Variants in FBXL17 observed in about 807,000 individuals in gnomAD.
FBXL17 encodes F-box/LRR-repeat protein 17.
FBXL17 carries 22 observed loss-of-function variants against 66.2 expected under a neutral mutation model. The ratio of observed to expected loss-of-function variants is 0.33; its 90% CI spans 0.24 to 0.47. FBXL17 has a LOEUF of 0.47. Among genes scored for constraint, FBXL17 ranks in the 20% least tolerant of loss-of-function variants. The probability of loss-of-function intolerance (pLI) is 1.00; values close to 1 mark genes in which losing one functional copy is unlikely to be tolerated. For missense variants in FBXL17, 878 were observed against 948.2 expected, an observed-to-expected ratio of 0.93 and a Z score of 0.97; for synonymous variants, 474 against 400.5, an observed-to-expected ratio of 1.18 and a Z score of -2.19.
At chr5:108,184,106 G>T (rs544837044) in intron 6 of FBXL17, among the ~76,000 whole-genome samples, 1 of 152,118 alleles carries the variant, frequency 6.6e-6, no homozygotes, top group Non-Finnish European at 1.5e-5. Context: ...TTATTTTAAG[G>T]TATAAAAGGA....
At chr5:108,083,234 CACACACACACACACACAGAG>C (rs1308175512) in intron 6 of FBXL17, among the ~76,000 whole-genome samples, 1 of 134,732 alleles carries the variant, frequency 7.4e-6, no homozygotes, top group Non-Finnish European at 1.6e-5. Context: ...CACACACACA[CACACACACACACACACAGAG>C]AGAGAGATAG....
chr5:107,938,535 A>G (rs1750985574), intron 7 of FBXL17, among the ~76,000 whole-genome samples: 1 of 152,294 alleles, frequency 6.6e-6, no homozygotes, highest in Non-Finnish European at 1.5e-5. Flanking sequence ...ATAAAAATAA[A>G]TACATTGTAT....
chr5:108,203,663 T>C (rs1243535224), intron 5 of FBXL17, among the ~76,000 whole-genome samples: 1 of 152,156 alleles, frequency 6.6e-6, no homozygotes, highest in African/African-American at 2.4e-5. Flanking sequence ...CAGAAACAAA[T>C]GAAATGATAA....
chr5:108,352,062 C>T (rs1415023641), intron 3 of FBXL17, among the ~76,000 whole-genome samples: 7 of 152,246 alleles, frequency 4.6e-5, no homozygotes, highest in Non-Finnish European at 1.0e-4. Context: ...ATGTGGATGG[C>T]ATATGCAGAA....
intron 5 of FBXL17, among the ~76,000 whole-genome samples, chr5:108,200,810 C>T (rs1753862112): frequency 6.6e-6 from 1 of 152,068 alleles, no homozygotes. Flanking sequence ...CTGTGATCAA[C>T]AGCTTTTGTG....
chr5:108,197,491 A>C (rs1013892424), intron 5 of FBXL17, among the ~76,000 whole-genome samples: 2 of 152,190 alleles, frequency 1.3e-5, no homozygotes, highest in Non-Finnish European at 2.9e-5. Context: ...CAAAGGGTGA[A>C]AAGTTTTGGA....
intron 7 of FBXL17, among the ~76,000 whole-genome samples, chr5:107,988,151 G>A (rs989895560): frequency 5.9e-5 from 9 of 151,856 alleles, no homozygotes; most frequent in Admixed American, 4.6e-4. Flanking sequence ...ATCAAGTGAC[G>A]AGATATTCAG....
chr5:108,152,244 A>C (rs1751800435), intron 6 of FBXL17, among the ~76,000 whole-genome samples: 1 of 152,208 alleles, frequency 6.6e-6, no homozygotes, highest in African/African-American at 2.4e-5. Context: ...TATGATGGAC[A>C]AAATATCAAC....
At chr5:108,197,366 T>C (rs879489154) in intron 5 of FBXL17, among the ~76,000 whole-genome samples, 17 of 152,166 alleles carry the variant, frequency 1.1e-4, no homozygotes, top group Non-Finnish European at 1.9e-4. Context: ...CTTCAACTAA[T>C]TGGACTGGTT....
chr5:108,260,046 C>T (rs1034339267), intron 4 of FBXL17, among the ~76,000 whole-genome samples: 2 of 148,958 alleles, frequency 1.3e-5, no homozygotes, highest in Non-Finnish European at 2.9e-5. Context: ...AAAAAAAAAC[C>T]TATGTACGTT....
chr5:108,300,134 A>G (rs1396096114), intron 4 of FBXL17, among the ~76,000 whole-genome samples: 2 of 152,062 alleles, frequency 1.3e-5, no homozygotes, highest in Non-Finnish European at 1.5e-5. Flanking sequence ...ATTAGTATTT[A>G]TATCTCTGAC....
intron 4 of FBXL17, among the ~76,000 whole-genome samples, chr5:108,258,546 G>GA (rs950536728): frequency 6.6e-6 from 1 of 152,016 alleles, no homozygotes; most frequent in Non-Finnish European, 1.5e-5. Context: ...TAGGTTCAAA[G>GA]AAAAAAATAC....
chr5:108,092,247 T>A (rs914620667), intron 6 of FBXL17, among the ~76,000 whole-genome samples: 6 of 152,164 alleles, frequency 3.9e-5, no homozygotes, highest in Admixed American at 1.3e-4. Flanking sequence ...GTGGATACAA[T>A]GAGAGTAGAT....
At chr5:108,227,622 A>G (rs1326725580) in intron 4 of FBXL17, among the ~76,000 whole-genome samples, 1 of 152,232 alleles carries the variant, frequency 6.6e-6, no homozygotes, top group Non-Finnish European at 1.5e-5. Flanking sequence ...ATTGGAAGAA[A>G]GAAGTATGTG....
In FBXL17 at chr5:107,953,156, A is replaced by G. The variant is rs372727435; in HGVS notation, c.1822+67769T>C. On this transcript the variant is annotated intron_variant, in intron 7 of 8. Coordinates refer to ENST00000542267, the MANE Select transcript of FBXL17 (RefSeq NM_001163315.3). Reference sequence around the variant, plus strand: ...TGTGGCTCACGCCTGTAATCCCAGCACTTTGGGACGCCAAGGTGGGCGGAT... The same window carrying G: ...TGTGGCTCACGCCTGTAATCCCAGCGCTTTGGGACGCCAAGGTGGGCGGAT... Among the ~76,000 whole-genome samples, 25 of 152,238 alleles carry G rather than the reference A, an allele frequency of 1.6e-4. No individual in the cohort carries two copies. The East Asian group carries it at 4.1e-3, about 25-fold the overall frequency.
intron 7 of FBXL17, among the ~76,000 whole-genome samples, chr5:107,938,830 A>C (rs1357952437): frequency 6.6e-6 from 1 of 152,110 alleles, no homozygotes; most frequent in Non-Finnish European, 1.5e-5. Context: ...CTTTGGTCTT[A>C]TCTCTTCCAT....
At chr5:108,199,160 T>C (rs1753792639) in intron 5 of FBXL17, among the ~76,000 whole-genome samples, 1 of 152,132 alleles carries the variant, frequency 6.6e-6, no homozygotes, top group Admixed American at 6.6e-5. Flanking sequence ...TTTACCTTAA[T>C]ATTGCATACT....
intron 1 of FBXL17, 34 bp downstream of exon 1, chr5:108,380,665 A>T: frequency 1.6e-6 from 2 of 1,234,404 alleles, no homozygotes; most frequent in Non-Finnish European, 2.0e-6. Context: ...GGTGGGGGAA[A>T]GCGAGCATCC....
rs1022157424 is a variant in FBXL17, at chr5:107,932,006, T to C, written c.1823-50827A>G. Among the ~76,000 whole-genome samples, 4 of 152,192 alleles carry C rather than the reference T, an allele frequency of 2.6e-5. No homozygotes were observed. The East Asian group carries it at 7.7e-4, about 29-fold the overall frequency. On this transcript the variant is annotated intron_variant, in intron 7 of 8. Transcript: ENST00000542267. Reference sequence around the variant, plus strand: ...ATTCCTGAATCCCACTTGCAGATTATAATTCAGTAGATCTGGAGTGGGGCT... The same window carrying C: ...ATTCCTGAATCCCACTTGCAGATTACAATTCAGTAGATCTGGAGTGGGGCT...
Sources: allele counts gnomAD v4.1 joint callset (sites outside exome capture counted in the v4.1 genomes callset), GRCh38; gene constraint gnomAD v4.1.1; transcripts MANE v1.5; gene names NCBI Gene and HGNC (gene_info 2026-07-23, HGNC 2026-07-21).